EPHB1: variants seen among roughly 807,000 people sequenced by gnomAD.
The protein encoded by EPHB1 is EPH receptor B1, also known as ephrin type-B receptor 1.
EPHB1 carries 30 observed loss-of-function variants against 94.4 expected under a neutral mutation model. The observed-to-expected ratio is 0.32, with a 90% confidence interval of 0.24 to 0.43. The LOEUF (loss-of-function observed/expected upper bound fraction) is 0.43. EPHB1 is among the 20% of genes least tolerant of loss of function. EPHB1 has a pLI of 1.00. For missense variants in EPHB1, 1,055 were observed against 1,308.3 expected (o/e 0.81, Z 2.99); for synonymous variants, 522 against 489.1 (o/e 1.07, Z -0.89).
intron 1 of EPHB1, among the ~76,000 whole-genome samples, chr3:134,896,184 C>T (rs760741782): frequency 2.6e-5 from 4 of 152,074 alleles, no homozygotes; most frequent in African/African-American, 9.7e-5. Flanking sequence ...CCTAGATCAC[C>T]GAGACCTCCA....
chr3:134,905,602 A>G (rs994951590), intron 1 of EPHB1, among the ~76,000 whole-genome samples: 4 of 152,224 alleles, frequency 2.6e-5, no homozygotes, highest in African/African-American at 9.6e-5. Flanking sequence ...GAGCAAAGGC[A>G]GCAGGTGGTG....
chr3:134,935,530 C>T (rs1264591386), intron 2 of EPHB1, among the ~76,000 whole-genome samples: 1 of 152,194 alleles, frequency 6.6e-6, no homozygotes, highest in African/African-American at 2.4e-5. Context: ...AGTTCTTTAG[C>T]CTCTTTAAGT....
intron 1 of EPHB1, among the ~76,000 whole-genome samples, chr3:134,859,124 C>G (rs141791712): frequency 6.6e-6 from 1 of 152,210 alleles, no homozygotes; most frequent in Non-Finnish European, 1.5e-5. Flanking sequence ...ACACCTTGGA[C>G]TTCTCCCTGG....
At chr3:134,917,534 C>T (rs541008609) in intron 1 of EPHB1, among the ~76,000 whole-genome samples, 3 of 152,334 alleles carry the variant, frequency 2.0e-5, no homozygotes, top group African/African-American at 2.4e-5. Flanking sequence ...ATCTAAGCTG[C>T]GTCTTCTTTC....
intron 3 of EPHB1, among the ~76,000 whole-genome samples, chr3:134,968,870 T>C (rs1010883631): frequency 6.6e-6 from 1 of 152,250 alleles, no homozygotes; most frequent in Non-Finnish European, 1.5e-5. Context: ...TTCATCTCAA[T>C]TGTATCATGT....
In EPHB1 at chr3:135,029,719, G is replaced by C. The variant is rs1199723869; in HGVS notation, c.806-76729G>C. Among the ~76,000 whole-genome samples, 742 of 150,564 alleles carry C rather than the reference G, an allele frequency of 4.9e-3. 1 individual carries two copies. Among genetic ancestry groups the C allele is most frequent in the Non-Finnish European group, 7.5e-3 (511 of 67,688 alleles). On this transcript the variant is annotated intron_variant, in intron 3 of 15. Transcript: ENST00000398015. ...TATGTGTCTTGGAGTTGCTCTTCTC[G>C]AGGAGTATCTTTGTGGCATTCTCTG...
chr3:135,176,331 T>G (rs1941977303), intron 9 of EPHB1, among the ~76,000 whole-genome samples: 1 of 152,202 alleles, frequency 6.6e-6, no homozygotes, highest in Non-Finnish European at 1.5e-5. Flanking sequence ...TTTCCCTTCT[T>G]CAATGTGACA....
chr3:134,852,325 G>A (rs114375012), intron 1 of EPHB1, among the ~76,000 whole-genome samples: 6 of 152,268 alleles, frequency 3.9e-5, no homozygotes, highest in Non-Finnish European at 7.4e-5. Flanking sequence ...AAATCTGGAC[G>A]GGTTCCGAAG....
chr3:135,154,104 T>G, intron 5 of EPHB1, 48 bp from the exon 6 acceptor site: 1 of 1,611,782 alleles, frequency 6.2e-7, no homozygotes, highest in Non-Finnish European at 8.5e-7. Context: ...GCCCTTCCCC[T>G]ATAATTGAGT....
chr3:135,058,699 C>T (rs1011912338), intron 3 of EPHB1, among the ~76,000 whole-genome samples: 1 of 152,248 alleles, frequency 6.6e-6, no homozygotes, highest in African/African-American at 2.4e-5. Context: ...TGACTGTTCC[C>T]TGCAGTACAG....
intron 12 of EPHB1, among the ~76,000 whole-genome samples, chr3:135,237,172 A>G (rs6806414): frequency 0.16 from 24,376 of 151,866 alleles, 2,120 homozygotes; most frequent in Middle Eastern, 0.25. Context: ...ACCTGTTGGC[A>G]TCACACCTGC....
At chr3:134,963,517 G>A (rs1483547569) in intron 3 of EPHB1, among the ~76,000 whole-genome samples, 3 of 152,150 alleles carry the variant, frequency 2.0e-5, no homozygotes, top group African/African-American at 7.2e-5. Context: ...CAGTGTGGCT[G>A]TCATTTATAA....
In EPHB1 at chr3:134,952,066, C is replaced by G. The variant is rs757214620; in HGVS notation, c.805+14C>G. ...TGGCATGCAAGGGTAAGCTTTGGAG[C>G]CTCTGCTTCCTGCCCATCTATGGCA... On this transcript the variant is annotated intron_variant, in intron 3 of 15. Coordinates refer to ENST00000398015, the MANE Select transcript of EPHB1 (RefSeq NM_004441.5). 1.1e-5 allele frequency: 17 copies of G among 1,576,238 alleles called. No individual in the cohort carries two copies. The East Asian group carries it at 2.7e-4, about 25-fold the overall frequency.
In EPHB1 at chr3:135,106,545, C is replaced by T; in HGVS notation, c.903C>T (p.Cys301=). 1 of 1,614,050 alleles carries T rather than the reference C, an allele frequency of 6.2e-7. No individual in the cohort carries two copies. The change falls in exon 4 of 16, where the codon TGC becomes TGT. Residue 301 remains cysteine, a synonymous_variant. Transcript: ENST00000398015. ...CCCCTGCAGAGGCGTCTCCCATCTG[C>T]ACCTGTCGGACCGGTTATTACCGAG... ...SRSPAEASPI[C]TCRTGYYRAD... is the part of the protein sequence containing the mutation.
intron 3 of EPHB1, among the ~76,000 whole-genome samples, chr3:134,971,431 A>G (rs1409650374): frequency 1.3e-5 from 2 of 152,148 alleles, no homozygotes; most frequent in Non-Finnish European, 2.9e-5. Context: ...TCTGGAATTT[A>G]TAGGAGGAGC....
intron 4 of EPHB1, among the ~76,000 whole-genome samples, chr3:135,107,274 A>G (rs189632059): frequency 2.2e-4 from 34 of 152,342 alleles, no homozygotes; most frequent in Admixed American, 1.9e-3. Flanking sequence ...TAGAGGGAAG[A>G]GCAGTCTCCC....
intron 3 of EPHB1, among the ~76,000 whole-genome samples, chr3:135,047,799 G>T (rs774839392): frequency 3.3e-5 from 5 of 152,068 alleles, no homozygotes; most frequent in Non-Finnish European, 7.4e-5. Flanking sequence ...GAGATATTTG[G>T]CCATGTCTGG....
At chr3:135,052,824 G>A (rs1244247119) in intron 3 of EPHB1, among the ~76,000 whole-genome samples, 1 of 109,918 alleles carries the variant, frequency 9.1e-6, no homozygotes, top group Admixed American at 1.3e-4. Flanking sequence ...TCATGCCACT[G>A]CACTCCAGCC....
At chr3:134,824,189 C>T (rs1039091337) in intron 1 of EPHB1, among the ~76,000 whole-genome samples, 2 of 112,670 alleles carry the variant, frequency 1.8e-5, no homozygotes, top group Non-Finnish European at 3.4e-5. Flanking sequence ...GTGGTAGTTT[C>T]TTGTGTGCCC....
Sources: allele counts gnomAD v4.1 joint callset (sites outside exome capture counted in the v4.1 genomes callset), GRCh38; gene constraint gnomAD v4.1.1; transcripts MANE v1.5; gene names NCBI Gene and HGNC (gene_info 2026-07-23, HGNC 2026-07-21).